The following GRM8 variants were observed in gnomAD, a reference collection of about 807,000 sequenced individuals.
GRM8 encodes the protein metabotropic glutamate receptor 8.
A neutral mutation model predicts 87.2 loss-of-function variants in GRM8; 47 were observed. The ratio of observed to expected loss-of-function variants is 0.54; its 90% CI spans 0.43 to 0.69. The LOEUF is 0.69. Ranked by LOEUF, GRM8 falls within the 30% of genes least tolerant of loss-of-function variation. The pLI is 0.00. For synonymous variants in GRM8, 396 were observed against 404.5 expected (o/e 0.98, Z 0.25); for missense variants, 1,019 against 1,139.2 (o/e 0.89, Z 1.52).
chr7:127,119,777 CTCTT>C (rs1563526328), intron 2 of GRM8, among the ~76,000 whole-genome samples: 1 of 152,186 alleles, frequency 6.6e-6, no homozygotes, highest in African/African-American at 2.4e-5. Context: ...TGTCAACACT[CTCTT>C]ACTTGGCCTA....
intron 2 of GRM8, among the ~76,000 whole-genome samples, chr7:127,180,673 G>A (rs961431089): frequency 6.6e-6 from 1 of 152,048 alleles, no homozygotes; most frequent in Non-Finnish European, 1.5e-5. Context: ...TTTCATACCA[G>A]GGATGCAGGG....
intron 2 of GRM8, among the ~76,000 whole-genome samples, chr7:127,150,451 T>A (rs977081666): frequency 5.9e-5 from 9 of 152,096 alleles, no homozygotes; most frequent in Non-Finnish European, 1.2e-4. Flanking sequence ...GGCATCAGGC[T>A]GTCCAAAGTC....
intron 8 of GRM8, among the ~76,000 whole-genome samples, chr7:126,539,177 A>G (rs1449497783): frequency 5.3e-5 from 8 of 151,996 alleles, no homozygotes. Context: ...TAAGGAAAAA[A>G]TTTCATTTAC....
chr7:126,664,541 A>G (rs879745426), intron 7 of GRM8, among the ~76,000 whole-genome samples: 6 of 152,210 alleles, frequency 3.9e-5, no homozygotes, highest in South Asian at 2.1e-4. Context: ...CCTGTTCAAT[A>G]TATGGTCCTG....
At chr7:126,600,067 A>C (rs1797584752) in intron 8 of GRM8, among the ~76,000 whole-genome samples, 2 of 152,170 alleles carry the variant, frequency 1.3e-5, no homozygotes, top group African/African-American at 2.4e-5. Flanking sequence ...CATCTATGTC[A>C]AGAAACTATC....
At chr7:127,015,019 G>GA (rs1292455020) in intron 3 of GRM8, among the ~76,000 whole-genome samples, 3 of 105,026 alleles carry the variant, frequency 2.9e-5, no homozygotes, top group Admixed American at 2.1e-4. Context: ...AGAAGAAGAA[G>GA]AAGAAGAAGA....
chr7:126,910,003 CTT>C (rs34678163), intron 3 of GRM8, among the ~76,000 whole-genome samples: 12 of 149,068 alleles, frequency 8.1e-5, no homozygotes, highest in South Asian at 2.1e-4. Context: ...TTTAAAGACT[CTT>C]TTTTTTTTTA....
chr7:126,961,735 C>T (rs6948111), intron 3 of GRM8, among the ~76,000 whole-genome samples: 4,719 of 152,300 alleles, frequency 0.031, 227 homozygotes, highest in African/African-American at 0.11. Flanking sequence ...GCACTTGTGC[C>T]CATCACAAGC....
chr7:126,936,949 A>G lies in GRM8; in HGVS notation c.728-32266T>C, dbSNP rs1185505045. On this transcript the variant is annotated intron_variant, in intron 3 of 10. Coordinates refer to ENST00000339582, the MANE Select transcript of GRM8 (RefSeq NM_000845.3). ...ACAGCAGTTTAGCCTGTATTCTAAT[A>G]TACAGTTTCTACCTAGAAGTGGGTA... is the stretch of plus-strand genomic sequence containing the variant. Among the ~76,000 whole-genome samples, 6 of 152,230 alleles carry G rather than the reference A, an allele frequency of 3.9e-5. No homozygotes were observed. In the South Asian group the frequency reaches 1.2e-3, roughly 32 times the overall value.
At chr7:127,017,996 G>A (rs904746803) in intron 3 of GRM8, among the ~76,000 whole-genome samples, 3 of 151,938 alleles carry the variant, frequency 2.0e-5, no homozygotes, top group Non-Finnish European at 4.4e-5. Flanking sequence ...CCTAGGCACC[G>A]TGTTAGACAC....
chr7:127,132,267 C>T (rs868004784), intron 2 of GRM8, among the ~76,000 whole-genome samples: 5 of 152,342 alleles, frequency 3.3e-5, no homozygotes, highest in African/African-American at 7.2e-5. Flanking sequence ...GAGATTCACA[C>T]GCTAACAGAA....
At chr7:126,934,505 T>A (rs1014806576) in intron 3 of GRM8, among the ~76,000 whole-genome samples, 7 of 152,014 alleles carry the variant, frequency 4.6e-5, no homozygotes, top group African/African-American at 1.4e-4. Context: ...AATATTAAAG[T>A]CAAAAAACAT....
At chr7:126,946,619 A>G (rs912253307) in intron 3 of GRM8, among the ~76,000 whole-genome samples, 1 of 152,202 alleles carries the variant, frequency 6.6e-6, no homozygotes, top group East Asian at 1.9e-4. Context: ...AGCCAAAGCT[A>G]TTCTATACCA....
rs1370974198 is a variant in GRM8 at position 126,533,559 on chromosome 7, T to C, written c.1823A>G (p.Tyr608Cys). The change falls in exon 9 of 11, where the codon TAT (tyrosine) becomes TGT (cysteine). Residue 608 changes from tyrosine to cysteine, a missense_variant. Coordinates refer to ENST00000339582, the MANE Select transcript of GRM8 (RefSeq NM_000845.3). ...TTFVIVTFVR[Y>C]NDTPIVRASG... ...AGCCCTCACGATAGGTGTGTCATTA[T>C]AGCGGACAAAGGTCACGATCACAAA... 5.0e-6 allele frequency: 8 copies of C among 1,614,124 alleles called. No individual in the cohort carries two copies. The highest frequency in any genetic ancestry group is 6.8e-6 in the Non-Finnish European group (8 of 1,179,996).
intron 7 of GRM8, among the ~76,000 whole-genome samples, chr7:126,714,068 C>T (rs1811437048): frequency 6.7e-6 from 1 of 150,118 alleles, no homozygotes; most frequent in Admixed American, 6.7e-5. Flanking sequence ...GGTAAGGAGT[C>T]CAAGTACAGC....
chr7:126,655,333 CT>C (rs1804393506), intron 7 of GRM8, among the ~76,000 whole-genome samples: 1 of 152,180 alleles, frequency 6.6e-6, no homozygotes, highest in African/African-American at 2.4e-5. Context: ...ATCCCATAAT[CT>C]TTTTAAATAT....
chr7:126,606,652 G>A (rs1452817246), intron 8 of GRM8, among the ~76,000 whole-genome samples: 1 of 152,028 alleles, frequency 6.6e-6, no homozygotes, highest in Non-Finnish European at 1.5e-5. Flanking sequence ...TCTCCACAGT[G>A]CAATTTATTG....
At chr7:126,702,573 G>T (rs1221538589) in intron 7 of GRM8, among the ~76,000 whole-genome samples, 1 of 152,150 alleles carries the variant, frequency 6.6e-6, no homozygotes, top group Non-Finnish European at 1.5e-5. Flanking sequence ...CATAAGATGT[G>T]TTCCTGAAGG....
intron 3 of GRM8, chr7:126,981,191 G>A (rs1811489880): frequency 6.6e-6 from 1 of 152,476 alleles, no homozygotes; most frequent in African/African-American, 2.4e-5. Flanking sequence ...CAAGTTCATT[G>A]GGGCTAGGAC....
Sources: gnomAD v4.1 joint callset for allele counts (sites outside exome capture counted in the v4.1 genomes callset) on GRCh38, gnomAD v4.1.1 for gene constraint, MANE v1.5 for transcripts, NCBI Gene and HGNC (gene_info 2026-07-23, HGNC 2026-07-21) for gene names.